Variants in EHMT2 observed in about 807,000 individuals in gnomAD.
EHMT2 encodes euchromatic histone lysine methyltransferase 2, also known as histone-lysine N-methyltransferase EHMT2.
A neutral mutation model predicts 143.3 loss-of-function variants in EHMT2; 59 were observed. That is an observed-to-expected ratio of 0.41 (90% confidence interval 0.33 to 0.51). The LOEUF is 0.51. Among genes scored for constraint, EHMT2 ranks in the 20% least tolerant of loss-of-function variants. EHMT2 has a pLI of 0.18. For synonymous variants in EHMT2, 604 were observed against 651.5 expected (o/e 0.93, Z 1.11); for missense variants, 1,174 against 1,645.9 (o/e 0.71, Z 4.96).
At position 31,883,441 on chromosome 6, in the gene EHMT2, T is replaced by C. The variant is rs920210794; in HGVS notation, c.2917-2A>G. On this transcript the variant is annotated splice_acceptor_variant, in intron 22 of 27. Coordinates refer to ENST00000375537, the Ensembl canonical transcript of EHMT2. LOFTEE classifies it high-confidence loss of function. The surrounding 1 kb of genome is among the most constrained non-coding windows in gnomAD (Gnocchi z 5.6). The stretch of plus-strand genomic sequence containing the variant: ...GCAGTCGTCCACACACGTGCAGTGC[T>C]GGGGCGAGGAGGCAGAGGTCAGCTC... 6.2e-7 allele frequency: 1 copy of C among 1,612,030 alleles called. No individual in the cohort carries two copies. The highest frequency in any genetic ancestry group is 8.5e-7 in the Non-Finnish European group (1 of 1,179,562).
rs746319204 is a variant in EHMT2 at position 31,896,836 on chromosome 6, G to T, written c.110-12C>A. On this transcript the variant is annotated splice_polypyrimidine_tract_variant and intron_variant, in intron 2 of 27. Coordinates refer to ENST00000375537, the Ensembl canonical transcript of EHMT2. ...CAAAGAGCCATGAACTGTAGAGGAA[G>T]AGAAAAAGTTCAGAGCTAAGGGCTC... 1.2e-6 allele frequency: 2 copies of T among 1,612,680 alleles called. No individual in the cohort carries two copies. The highest frequency in any genetic ancestry group is 3.3e-5 in the Admixed American group (2 of 59,998).
At chr6:31,897,682 G>T in exon 1 of EHMT2, 1 of 1,121,856 alleles carries the variant, frequency 8.9e-7, no homozygotes, top group Non-Finnish European at 1.1e-6. Flanking sequence ...CGCCATCGCC[G>T]CTTGCGCTGG....
chr6:31,881,431 A>C lies in EHMT2; in HGVS notation c.3198-339T>G, dbSNP rs941290012. On this transcript the variant is annotated intron_variant, in intron 25 of 27. Transcript: ENST00000375537. This position sits in a 1 kb window ranked among gnomAD's most constrained non-coding sequence, Gnocchi z 4.8. Reference sequence around the variant, plus strand: ...GCAGGAATGGGCGATATGGAACAGGAGAGGGGCCAGGACTGCAGGAAGAGC... The same window carrying C: ...GCAGGAATGGGCGATATGGAACAGGCGAGGGGCCAGGACTGCAGGAAGAGC... The C allele has an allele frequency of 6.9e-6, 3 of 436,110 alleles. No homozygotes were observed. The highest frequency in any genetic ancestry group is 6.0e-5 in the African/African-American group (3 of 50,238). The allele number at this position is 436,110 out of a possible 1,614,324, so 27.0% of individuals were successfully genotyped here.
At chr6:31,891,861 A>G (rs1765731644) in intron 7 of EHMT2, among the ~76,000 whole-genome samples, 2 of 151,964 alleles carry the variant, frequency 1.3e-5, no homozygotes, top group Non-Finnish European at 2.9e-5. Context: ...TGGTCATTTC[A>G]TTAGCTGATT....
rs780520573 is a variant in EHMT2 at position 31,889,389 on chromosome 6, C to A, written c.1000-47G>T. 6 of 1,605,626 alleles carry A rather than the reference C, an allele frequency of 3.7e-6. No homozygotes were observed. Among genetic ancestry groups the A allele is most frequent in the Non-Finnish European group, 4.2e-6 (5 of 1,176,852 alleles). ...AGTTAGGAACCCTCACCCCCAGGGG[C>A]CCCCCCAACACCTTCAGGACCAGAC... On this transcript the variant is annotated intron_variant, in intron 8 of 27. Coordinates refer to ENST00000375537, the Ensembl canonical transcript of EHMT2. This position sits in a 1 kb window ranked among gnomAD's most constrained non-coding sequence, Gnocchi z 5.1.
chr6:31,886,707 C>T, intron 17 of EHMT2, 25 bp from the exon 18 acceptor site: 1 of 1,613,928 alleles, frequency 6.2e-7, no homozygotes, highest in Non-Finnish European at 8.5e-7. Flanking sequence ...GGCAAATGAG[C>T]CTTTGGGCTG....
exon 3 of EHMT2, chr6:31,896,718 G>C (rs1766512508): frequency 1.2e-6 from 2 of 1,612,674 alleles, no homozygotes; most frequent in African/African-American, 2.7e-5. Context: ...CACCAACAGT[G>C]ACAGTGACAG....
chr6:31,882,145 G>C (rs1357652121), intron 25 of EHMT2, among the ~76,000 whole-genome samples: 1 of 150,956 alleles, frequency 6.6e-6, no homozygotes, highest in African/African-American at 2.4e-5. Context: ...AGAGCCAAAG[G>C]AGACTAAAGT....
At chr6:31,892,557 C>T in exon 7 of EHMT2, 2 of 1,612,886 alleles carry the variant, frequency 1.2e-6, no homozygotes, top group South Asian at 1.1e-5. Context: ...AACCTAACTC[C>T]TCTGACTAGA....
At position 31,884,583 on chromosome 6, in the gene EHMT2, A is replaced by G; in HGVS notation, c.2604-24T>C. The G allele has an allele frequency of 6.2e-7, 1 of 1,611,656 alleles. No individual in the cohort carries two copies. The highest frequency in any genetic ancestry group is 8.5e-7 in the Non-Finnish European group (1 of 1,179,096). On this transcript the variant is annotated intron_variant, in intron 20 of 27. Coordinates refer to ENST00000375537, the Ensembl canonical transcript of EHMT2. The surrounding 1 kb of genome is among the most constrained non-coding windows in gnomAD (Gnocchi z 7.3). Reference sequence around the variant, plus strand: ...ACCTGAAGAGGGGACAGGATGCCCAATGCAGGGTCTGAGGCTGCAAGAAGT... The same window carrying G: ...ACCTGAAGAGGGGACAGGATGCCCAGTGCAGGGTCTGAGGCTGCAAGAAGT...
rs755793502 is a variant in EHMT2, at chr6:31,880,116, C to T, written c.3601G>A (p.Glu1201Lys). The T allele has an allele frequency of 6.2e-6, 10 of 1,612,688 alleles. No homozygotes were observed. The highest frequency in any genetic ancestry group is 1.7e-5 in the Admixed American group (1 of 59,994). ...TTGACAGGGGGCAGGGAGCCGAGCT[C>T]GGGCAGCAGCTCAGGGTGTGGGTCC... The change falls in exon 28 of 28, where the codon GAG (glutamate) becomes AAG (lysine). Residue 1201 changes from glutamate (E) to lysine (K), a missense_variant. Physicochemically the swap from Glu to Lys is moderately conservative, Grantham distance 56. This residue lies in a region of EHMT2 where 42 missense variants were observed against 45.1 expected (regional missense o/e 0.93). Transcript: ENST00000375537. This position sits in a 1 kb window ranked among gnomAD's most constrained non-coding sequence, Gnocchi z 6.6.
chr6:31,888,537 G>C lies in EHMT2; in HGVS notation c.1366-31C>G. ...CGCAGTGAGGATGGGTGAGAAGAGA[G>C]CGTGAGGCTGGGGCCGGGGACTGGA... is the stretch of plus-strand genomic sequence containing the variant. On this transcript the variant is annotated intron_variant, in intron 11 of 27. Transcript: ENST00000375537. This position sits in a 1 kb window ranked among gnomAD's most constrained non-coding sequence, Gnocchi z 7.4. 6.2e-7 allele frequency: 1 copy of C among 1,610,298 alleles called. No individual in the cohort carries two copies.
chr6:31,892,418 A>T (rs1765811029), exon 7 of EHMT2: 1 of 1,612,746 alleles, frequency 6.2e-7, no homozygotes, highest in Non-Finnish European at 8.5e-7. Context: ...TTGCTGTCGG[A>T]GTCCACGCGC....
At chr6:31,896,696 C>A in exon 3 of EHMT2, 2 of 1,611,626 alleles carry the variant, frequency 1.2e-6, no homozygotes, top group Non-Finnish European at 1.7e-6. Context: ...ACAGGGGTGT[C>A]AGCCCCCTCA....
intron 18 of EHMT2, chr6:31,886,010 C>A (rs146206757): frequency 6.6e-6 from 1 of 152,040 alleles, no homozygotes; most frequent in African/African-American, 2.4e-5. Flanking sequence ...TGGCGTGAAC[C>A]TGGGAGGCGG....
rs777052891 is a variant in EHMT2 at position 31,880,157 on chromosome 6, C to T, written c.3560G>A (p.Ser1187Asn). 9.3e-6 allele frequency: 15 copies of T among 1,613,020 alleles called. No individual in the cohort carries two copies. The highest frequency in any genetic ancestry group is 1.3e-5 in the Non-Finnish European group (15 of 1,180,018). The change falls in exon 28 of 28, where the codon AGC becomes AAC. Residue 1187 changes from serine to asparagine, a missense_variant. Around this residue, in one of 6 missense-constraint regions of EHMT2, gnomAD observed 42 missense variants for 45.1 expected, o/e 0.93. Transcript: ENST00000375537. This position sits in a 1 kb window ranked among gnomAD's most constrained non-coding sequence, Gnocchi z 6.6. ...GTGTGGGTCCAGGCGGGCCAGACGGCTCTGCTCCAGGGCAATGGCTTCGGC... is the reference window on the plus strand; with the variant it reads ...GTGTGGGTCCAGGCGGGCCAGACGGTTCTGCTCCAGGGCAATGGCTTCGGC...
At position 31,887,563 on chromosome 6, in the gene EHMT2, T is replaced by C. The variant is rs766636151; in HGVS notation, c.2011+14A>G. 1 of 1,612,354 alleles carries C rather than the reference T, an allele frequency of 6.2e-7. No individual in the cohort carries two copies. Among genetic ancestry groups the C allele is most frequent in the Admixed American group, 1.7e-5 (1 of 60,012 alleles). ...GCTTGGTCAAGGTCTGCTGAAGGAA[T>C]GGGTGGCACTCACACAGCATCAGGA... On this transcript the variant is annotated intron_variant, in intron 15 of 27. Coordinates refer to ENST00000375537, the Ensembl canonical transcript of EHMT2.
chr6:31,891,677 C>T (rs1394645659), intron 7 of EHMT2, among the ~76,000 whole-genome samples: 2 of 152,176 alleles, frequency 1.3e-5, no homozygotes, highest in African/African-American at 4.8e-5. Flanking sequence ...AAACATTCTA[C>T]TGTGTAGGCA....
rs753830821 is a variant in EHMT2, at chr6:31,885,032, G to C, written c.2344-16C>G. 6.3e-7 allele frequency: 1 copy of C among 1,594,600 alleles called. No individual in the cohort carries two copies. Among genetic ancestry groups the C allele is most frequent in the Non-Finnish European group, 8.6e-7 (1 of 1,166,536 alleles). ...CCCCACTGTCCTGTGGGTGGGAAGG[G>C]AGTGAGGGTGGGGGCAGCTGGCCCT... On this transcript the variant is annotated splice_polypyrimidine_tract_variant and intron_variant, in intron 18 of 27. Coordinates refer to ENST00000375537, the Ensembl canonical transcript of EHMT2.
Sources: gnomAD v4.1 joint callset for allele counts (sites outside exome capture counted in the v4.1 genomes callset) on GRCh38, gnomAD v4.1.1 for gene constraint, gnomAD v4.1.1 regional missense constraint, Gnocchi (gnomAD v3.1) non-coding constraint, MANE v1.5 for transcripts, NCBI Gene and HGNC (gene_info 2026-07-23, HGNC 2026-07-21) for gene names.